The following FBXO27 variants were observed in gnomAD, a reference collection of about 807,000 sequenced individuals.
FBXO27 encodes F-box protein 27, also known as F-box only protein 27.
In FBXO27, 28 loss-of-function variants were observed where a neutral mutation model predicts 28.3. The observed-to-expected ratio is 0.99, with a 90% CI of 0.73 to 1.36. FBXO27 has a LOEUF of 1.36. Ranked by LOEUF, FBXO27 falls within the 40% of genes most tolerant of loss-of-function variation. The pLI is 0.00. For missense variants in FBXO27, 388 were observed against 394.1 expected, an observed-to-expected ratio of 0.98 and a Z score of 0.13; for synonymous variants, 175 against 167.3, an observed-to-expected ratio of 1.05 and a Z score of -0.36.
At position 39,032,159 on chromosome 19, in the gene FBXO27, C is replaced by T. The variant is rs2144908523; in HGVS notation, c.69G>A (p.Ala23=). The T allele has an allele frequency of 2.6e-6, 4 of 1,534,538 alleles. No homozygotes were observed. Among genetic ancestry groups the T allele is most frequent in the South Asian group, 1.2e-5 (1 of 82,122 alleles). ...CTGGGGGTAGTTGGCTCAGGTCCAG[C>T]GCCTCTTCGGGTTCCGGCTCCGGCG... is the stretch of plus-strand genomic sequence containing the variant. ...VPAPEPEPEE[A]LDLSQLPPEL... is the part of the protein sequence containing the mutation. The change falls in exon 2 of 6, where the codon GCG becomes GCA. Residue 23 remains alanine (A), a synonymous_variant. Coordinates refer to ENST00000292853, the MANE Select transcript of FBXO27 (RefSeq NM_178820.5). The surrounding 1 kb of genome is among the most constrained non-coding windows in gnomAD (Gnocchi z 4.7).
chr19:39,031,183 G>T (rs763946942), intron 3 of FBXO27, 26 bp downstream of exon 3: 3 of 1,613,354 alleles, frequency 1.9e-6, no homozygotes, highest in Non-Finnish European at 2.5e-6. Flanking sequence ...CAAGGGGCCG[G>T]ACCTTTGGAT....
intron 4 of FBXO27, among the ~76,000 whole-genome samples, chr19:39,028,952 G>A (rs1295444747): frequency 2.0e-5 from 3 of 151,400 alleles, no homozygotes; most frequent in East Asian, 3.9e-4. Context: ...TGAGGTGGGA[G>A]GATTTTTTGA....
chr19:39,025,643 C>T (rs747264289), intron 5 of FBXO27, 89 bp from the exon 6 acceptor site: 33 of 1,461,622 alleles, frequency 2.3e-5, no homozygotes, highest in Non-Finnish European at 2.9e-5. Context: ...GGTTATTTTC[C>T]AAGGATGGCT....
downstream of FBXO27, among the ~76,000 whole-genome samples, chr19:39,023,683 G>A (rs982644313): frequency 6.6e-6 from 1 of 151,886 alleles, no homozygotes; most frequent in African/African-American, 2.4e-5. Context: ...ATGCGATCCT[G>A]GCTCACTGCA....
At position 39,032,041 on chromosome 19, in the gene FBXO27, C is replaced by G; in HGVS notation, c.187G>C (p.Gly63Arg). ...AGGATCAGCAGCCACAGGGCCTGGC[C>G]GTCCACCAGGGCTCGCCAGCCCCGG... ...VCRGWRALVD[G>R]QALWLLILAR... Residue 63 changes from glycine to arginine, a missense_variant, in exon 2 of 6, where the codon GGC becomes CGC. Gly to Arg is a moderately radical substitution (Grantham distance 125). Coordinates refer to ENST00000292853, the MANE Select transcript of FBXO27 (RefSeq NM_178820.5). The surrounding 1 kb of genome is among the most constrained non-coding windows in gnomAD (Gnocchi z 4.7). The G allele has an allele frequency of 1.3e-6, 2 of 1,529,842 alleles. No homozygotes were observed. Among genetic ancestry groups the G allele is most frequent in the South Asian group, 1.2e-5 (1 of 81,876 alleles). 94.8% of individuals were successfully genotyped at this position (1,529,842 alleles called of 1,614,324 possible). A position where few individuals can be genotyped will look rare whatever the true frequency, so the allele number is the denominator to read the frequency against.
chr19:39,010,803 G>A (rs1401392483), intron 2 of FBXO27, among the ~76,000 whole-genome samples: 2 of 152,272 alleles, frequency 1.3e-5, no homozygotes, highest in Non-Finnish European at 2.9e-5. Flanking sequence ...CTGTGCAGGA[G>A]TAATCAGAGT....
At chr19:39,008,306 T>G (rs1276676009) in intron 2 of FBXO27, among the ~76,000 whole-genome samples, 1 of 150,484 alleles carries the variant, frequency 6.6e-6, no homozygotes, top group Non-Finnish European at 1.5e-5. Context: ...TAAATATAAA[T>G]GGGGTCTCAC....
At chr19:39,016,454 C>G (rs1024631795) in intron 1 of FBXO27, among the ~76,000 whole-genome samples, 2 of 151,574 alleles carry the variant, frequency 1.3e-5, no homozygotes, top group Non-Finnish European at 2.9e-5. Context: ...TAAAACTGCT[C>G]TAAAAATAAA....
chr19:39,011,458 T>C (rs1483119602), intron 2 of FBXO27, among the ~76,000 whole-genome samples: 1 of 152,152 alleles, frequency 6.6e-6, no homozygotes, highest in Non-Finnish European at 1.5e-5. Flanking sequence ...TTGATAGGCA[T>C]TGCAACTGAA....
chr19:39,032,118 A>T lies in FBXO27; in HGVS notation c.110T>A (p.Val37Glu). 6.5e-7 allele frequency: 1 copy of T among 1,535,148 alleles called. No individual in the cohort carries two copies. Among genetic ancestry groups the T allele is most frequent in the Non-Finnish European group, 8.7e-7 (1 of 1,148,886 alleles). ...SQLPPELLLVVLSHVPPRTLL... is the reference protein window; with the variant it reads ...SQLPPELLLVELSHVPPRTLL... ...CGTGCGCGGGGGGACGTGGCTCAGC[A>T]CCACCAGAAGCAGCTCTGGGGGTAG... Residue 37 changes from valine to glutamate, a missense_variant, in exon 2 of 6, where the codon GTG becomes GAG. Coordinates refer to ENST00000292853, the MANE Select transcript of FBXO27 (RefSeq NM_178820.5). This position sits in a 1 kb window ranked among gnomAD's most constrained non-coding sequence, Gnocchi z 4.7.
rs774035525 is a variant in FBXO27, at chr19:39,031,333, A to G, written c.365-13T>C. The G allele has an allele frequency of 6.2e-7, 1 of 1,613,452 alleles. No individual in the cohort carries two copies. Among genetic ancestry groups the G allele is most frequent in the Non-Finnish European group, 8.5e-7 (1 of 1,179,570 alleles). On this transcript the variant is annotated splice_polypyrimidine_tract_variant and intron_variant, in intron 2 of 5. Transcript: ENST00000292853. ...TTTCGGAGGCCTTCTGTGAAATAAA[A>G]AAGGCTTGTGCCCAAGTTCCAGTCG...
chr19:39,012,628 T>TC (rs1288437771), intron 2 of FBXO27, among the ~76,000 whole-genome samples: 10 of 41,918 alleles, frequency 2.4e-4, no homozygotes, highest in African/African-American at 1.2e-3. Context: ...AAATTCTAAA[T>TC]TTTCTTCTTT....
Position 39,025,422 on chromosome 19 carries a change from G to A in FBXO27, c.841C>T (p.Arg281Cys), listed in dbSNP as rs369267515. ...VTNSSVIVRV[R>C]LS Reference sequence around the variant, plus strand: ...AGGGTAGTGCTGGACTAGGACAGACGGACTCGCACGATCACACTGGAGTTG... The same window carrying A: ...AGGGTAGTGCTGGACTAGGACAGACAGACTCGCACGATCACACTGGAGTTG... Residue 281 changes from arginine (R) to cysteine (C), a missense_variant, in exon 6 of 6, where the codon CGT becomes TGT. By Grantham distance (180) the Arg-to-Cys change is radical. Coordinates refer to ENST00000292853, the MANE Select transcript of FBXO27 (RefSeq NM_178820.5). 10 of 1,613,466 alleles carry A rather than the reference G, an allele frequency of 6.2e-6. No individual in the cohort carries two copies. In the East Asian group the frequency reaches 1.1e-4, roughly 18 times the overall value.
At chr19:39,008,612 A>G (rs1372898217) in intron 2 of FBXO27, among the ~76,000 whole-genome samples, 1 of 152,010 alleles carries the variant, frequency 6.6e-6, no homozygotes, top group Non-Finnish European at 1.5e-5. Context: ...CTAGTTCCCA[A>G]ATCACCCCAA....
chr19:39,014,909 T>C (rs369446207), intron 1 of FBXO27, among the ~76,000 whole-genome samples: 1 of 150,428 alleles, frequency 6.6e-6, no homozygotes, highest in Non-Finnish European at 1.5e-5. Flanking sequence ...TCCCAACTAC[T>C]TGGGAGGCTG....
Position 39,032,108 on chromosome 19 carries a change from G to T in FBXO27, c.120C>A (p.His40Gln), listed in dbSNP as rs1444868783. 1.3e-6 allele frequency: 2 copies of T among 1,533,016 alleles called. No homozygotes were observed. The highest frequency in any genetic ancestry group is 1.4e-5 in the African/African-American group (1 of 69,156). The allele number at this position is 1,533,016 out of a possible 1,614,324, so 95.0% of individuals were successfully genotyped here. The part of the protein sequence containing the change: ...PPELLLVVLS[H>Q]VPPRTLLGRC... ...GCCCGAGCAGCGTGCGCGGGGGGAC[G>T]TGGCTCAGCACCACCAGAAGCAGCT... The change falls in exon 2 of 6, where the codon CAC becomes CAA. Residue 40 changes from histidine (H) to glutamine (Q), a missense_variant. Physicochemically the swap from His to Gln is conservative, Grantham distance 24 (BLOSUM62 0). Coordinates refer to ENST00000292853, the MANE Select transcript of FBXO27 (RefSeq NM_178820.5). This position sits in a 1 kb window ranked among gnomAD's most constrained non-coding sequence, Gnocchi z 4.7.
At chr19:39,009,360 A>C (rs1025391672) in intron 2 of FBXO27, among the ~76,000 whole-genome samples, 1 of 152,210 alleles carries the variant, frequency 6.6e-6, no homozygotes, top group Non-Finnish European at 1.5e-5. Flanking sequence ...TTTTTGAAGA[A>C]ATGACAAACG....
At chr19:39,009,149 C>T (rs2072783329) in intron 2 of FBXO27, among the ~76,000 whole-genome samples, 1 of 152,176 alleles carries the variant, frequency 6.6e-6, no homozygotes, top group South Asian at 2.1e-4. Context: ...GAATAATTTC[C>T]CATTGTATGG....
At chr19:39,015,100 G>C (rs1205302249) in intron 1 of FBXO27, among the ~76,000 whole-genome samples, 1 of 151,284 alleles carries the variant, frequency 6.6e-6, no homozygotes, top group Non-Finnish European at 1.5e-5. Context: ...TGGATTGCTT[G>C]AGTCCAGGAG....
Sources: allele counts gnomAD v4.1 joint callset (sites outside exome capture counted in the v4.1 genomes callset), GRCh38; gene constraint gnomAD v4.1.1; non-coding constraint Gnocchi (gnomAD v3.1); transcripts MANE v1.5; gene names NCBI Gene and HGNC (gene_info 2026-07-23, HGNC 2026-07-21).